The following HMX1 variants were observed in gnomAD, a reference collection of about 807,000 sequenced individuals.
The protein encoded by HMX1 is H6 family homeobox 1.
HMX1 carries 8 observed loss-of-function variants against 8.9 expected under a neutral mutation model. The observed-to-expected ratio is 0.90, with a 90% CI of 0.53 to 1.63. HMX1 has a LOEUF of 1.63. HMX1 is among the 40% of genes most tolerant of loss of function. The probability of loss-of-function intolerance (pLI) is 0.00; values close to 1 mark genes in which losing one functional copy is unlikely to be tolerated. For missense variants in HMX1, 621 were observed against 558.5 expected (o/e 1.11, Z -1.13); for synonymous variants, 311 against 283.4 (o/e 1.10, Z -0.98).
chr4:8,867,719 G>T lies in HMX1; in HGVS notation c.1021C>A (p.Arg341=). ...FPAAASVPFL[R]AQMPGLV ...CACACCAGGCCAGGCATCTGCGCCC[G>T]CAGAAAGGGCACGGAGGCGGCGGCC... Residue 341 remains arginine, a synonymous_variant, in exon 2 of 2, where the codon CGG becomes AGG. Coordinates refer to ENST00000400677, the MANE Select transcript of HMX1 (RefSeq NM_018942.3). 1.6e-6 allele frequency: 2 copies of T among 1,279,692 alleles called. No homozygotes were observed. The highest frequency in any genetic ancestry group is 5.1e-4 in the Middle Eastern group (2 of 3,944). The allele number at this position is 1,279,692 out of a possible 1,614,324, so 79.3% of individuals were successfully genotyped here.
rs1358262203 is a variant in HMX1, at chr4:8,868,417, G to A, written c.395-72C>T. ...CCAGACTCAATCACTGAGGCCAGCC[G>A]TCCCCACCTTGAGGTCGCTCACAGC... On this transcript the variant is annotated intron_variant, in intron 1 of 1. Coordinates refer to ENST00000400677, the MANE Select transcript of HMX1 (RefSeq NM_018942.3). The surrounding 1 kb of genome is among the most constrained non-coding windows in gnomAD (Gnocchi z 4.6). 13 of 1,160,154 alleles carry A rather than the reference G, an allele frequency of 1.1e-5. No individual in the cohort carries two copies. The highest frequency in any genetic ancestry group is 3.2e-5 in the African/African-American group (2 of 62,064). 71.9% of individuals were successfully genotyped at this position (1,160,154 alleles called of 1,614,324 possible). A position where few individuals can be genotyped will look rare whatever the true frequency, so the allele number is the denominator to read the frequency against.
chr4:8,859,955 G>C (rs1263070315), intron 1 of HMX1, among the ~76,000 whole-genome samples: 2 of 152,250 alleles, frequency 1.3e-5, no homozygotes, highest in Non-Finnish European at 1.5e-5. Context: ...CATGTTGTTG[G>C]GAGCAAGGAG....
At chr4:8,866,615 G>A (rs1460628686), downstream of HMX1, among the ~76,000 whole-genome samples, 1 of 152,240 alleles carries the variant, frequency 6.6e-6, no homozygotes, top group Admixed American at 6.5e-5. Flanking sequence ...CCCAAGGCAA[G>A]AGCACGGTGG....
chr4:8,867,368 C>T lies in HMX1; in HGVS notation c.*325G>A, dbSNP rs1016470304. 3 of 1,032,760 alleles carry T rather than the reference C, an allele frequency of 2.9e-6. No individual in the cohort carries two copies. Among genetic ancestry groups the T allele is most frequent in the African/African-American group, 1.7e-5 (1 of 58,738 alleles). The allele number at this position is 1,032,760 out of a possible 1,614,324, so 64.0% of individuals were successfully genotyped here. ...GCTGGGCTTGGCCTGAGGGCAGCTG[C>T]CCCGGGTGGCCATGGCCGACCGCTC... On this transcript the variant is annotated 3_prime_UTR_variant, in exon 2 of 2. Coordinates refer to ENST00000400677, the MANE Select transcript of HMX1 (RefSeq NM_018942.3).
In HMX1 at chr4:8,847,843, C is replaced by A. The variant is rs920103136; in HGVS notation, c.395-1519G>T. Among the ~76,000 whole-genome samples, 11 of 152,282 alleles carry A rather than the reference C, an allele frequency of 7.2e-5. No homozygotes were observed. Among genetic ancestry groups the A allele is most frequent in the African/African-American group, 2.6e-4 (11 of 41,556 alleles). On this transcript the variant is annotated intron_variant, in intron 1 of 1. Coordinates refer to the HMX1 transcript ENST00000506970. The surrounding 1 kb of genome is among the most constrained non-coding windows in gnomAD (Gnocchi z 6.0). Reference sequence around the variant, plus strand: ...AGGGGAATGGGAAGGACAAGAAGAACCTCGGGGTTGGCTGGAGTGGCTCTG... The same window carrying A: ...AGGGGAATGGGAAGGACAAGAAGAAACTCGGGGTTGGCTGGAGTGGCTCTG...
At chr4:8,857,221 A>T (rs1259244222) in intron 1 of HMX1, among the ~76,000 whole-genome samples, 1 of 152,228 alleles carries the variant, frequency 6.6e-6, no homozygotes, top group East Asian at 1.9e-4. Flanking sequence ...CCGCCGAGGA[A>T]GCGTCGGGGA....
intron 1 of HMX1, among the ~76,000 whole-genome samples, chr4:8,852,763 T>C (rs1487640821): frequency 6.6e-6 from 1 of 152,112 alleles, no homozygotes; most frequent in Non-Finnish European, 1.5e-5. Flanking sequence ...ATAAATACTG[T>C]CCCCTCTGCT....
intron 1 of HMX1, among the ~76,000 whole-genome samples, chr4:8,856,444 T>C (rs531824790): frequency 3.5e-4 from 53 of 152,020 alleles, no homozygotes; most frequent in African/African-American, 1.3e-3. Context: ...GCTGAGTAGC[T>C]CTGGTACAAA....
At chr4:8,869,886 G>T (rs891016020) in intron 1 of HMX1, among the ~76,000 whole-genome samples, 2 of 152,172 alleles carry the variant, frequency 1.3e-5, no homozygotes, top group African/African-American at 4.8e-5. Context: ...GATGAGTGGA[G>T]AACAAATTTC....
chr4:8,871,335 G>A lies in HMX1; in HGVS notation c.280C>T (p.Leu94Phe), dbSNP rs1375529814. 2 of 1,313,108 alleles carry A rather than the reference G, an allele frequency of 1.5e-6. No individual in the cohort carries two copies. The highest frequency in any genetic ancestry group is 4.3e-5 in the Admixed American group (1 of 23,316). The allele number at this position is 1,313,108 out of a possible 1,614,324, so 81.3% of individuals were successfully genotyped here. The change falls in exon 1 of 2, where the codon CTC becomes TTC. Residue 94 changes from leucine to phenylalanine, a missense_variant. Physicochemically the swap from Leu to Phe is conservative, Grantham distance 22. Transcript: ENST00000400677. The surrounding 1 kb of genome is among the most constrained non-coding windows in gnomAD (Gnocchi z 4.8). ...RALLGPGALGLGPRPPPGPGP... is the reference protein window; with the variant it reads ...RALLGPGALGFGPRPPPGPGP... ...GGACCGGGGGGCGGCCGAGGACCGA[G>A]GCCCAGCGCGCCCGGCCCGAGCAGC...
rs1722047189 is a variant in HMX1 at position 8,867,616 on chromosome 4, GAGCCCTGC to G, written c.*69_*76del. 8.3e-6 allele frequency: 10 copies of G among 1,198,726 alleles called. No individual in the cohort carries two copies. The highest frequency in any genetic ancestry group is 1.0e-5 in the Non-Finnish European group (10 of 966,230). The allele number at this position is 1,198,726 out of a possible 1,614,324, so 74.3% of individuals were successfully genotyped here. On this transcript the variant is annotated 3_prime_UTR_variant, in exon 2 of 2. Coordinates refer to ENST00000400677, the MANE Select transcript of HMX1 (RefSeq NM_018942.3). ...GACCATCCCTTCCCTAACGCCCCCT[GAGCCCTGC>G]GCCTGCCGCTGAATCGCGCGTCCAC...
rs1035808669 is a variant in HMX1 at position 8,867,410 on chromosome 4, G to T, written c.*283C>A. 5 of 1,079,982 alleles carry T rather than the reference G, an allele frequency of 4.6e-6. No individual in the cohort carries two copies. The highest frequency in any genetic ancestry group is 5.6e-6 in the Non-Finnish European group (5 of 893,510). 66.9% of individuals were successfully genotyped at this position (1,079,982 alleles called of 1,614,324 possible). ...CGACCGCTCCTCGCTGAGGCCGGGGGGTGGCCGTGGCGCCGGGGGCTGCGC... is the reference window on the plus strand; with the variant it reads ...CGACCGCTCCTCGCTGAGGCCGGGGTGTGGCCGTGGCGCCGGGGGCTGCGC... On this transcript the variant is annotated 3_prime_UTR_variant, in exon 2 of 2. Coordinates refer to ENST00000400677, the MANE Select transcript of HMX1 (RefSeq NM_018942.3).
Position 8,868,281 on chromosome 4 carries a change from T to C in HMX1, c.459A>G (p.Arg153=), listed in dbSNP as rs1283761459. Residue 153 remains arginine, a synonymous_variant, in exon 2 of 2, where the codon CGA becomes CGG. Transcript: ENST00000400677. This position sits in a 1 kb window ranked among gnomAD's most constrained non-coding sequence, Gnocchi z 4.6. Reference sequence around the variant, plus strand: ...GCTGCACCGCTCCCGGCCCGGGGCCTCGCGGCCAGGCGCCCTCCGCACGGC... The same window carrying C: ...GCTGCACCGCTCCCGGCCCGGGGCCCCGCGGCCAGGCGCCCTCCGCACGGC... ...EMGRAEGAWP[R]GPGPGAVQRE... The C allele has an allele frequency of 3.5e-6, 5 of 1,440,198 alleles. No homozygotes were observed. In the African/African-American group the frequency reaches 7.4e-5, roughly 21 times the overall value. The allele number at this position is 1,440,198 out of a possible 1,614,324, so 89.2% of individuals were successfully genotyped here. A position where few individuals can be genotyped will look rare whatever the true frequency, so the allele number is the denominator to read the frequency against.
At chr4:8,865,212 A>G (rs1372775776), downstream of HMX1, among the ~76,000 whole-genome samples, 1 of 152,230 alleles carries the variant, frequency 6.6e-6, no homozygotes, top group African/African-American at 2.4e-5. Context: ...GGCACCCTGC[A>G]GTCACCACAC....
chr4:8,865,990 A>T (rs1721983668), downstream of HMX1, among the ~76,000 whole-genome samples: 1 of 152,138 alleles, frequency 6.6e-6, no homozygotes, highest in South Asian at 2.1e-4. Flanking sequence ...CCTCTCTAAG[A>T]ATCTCTCAAA....
At chr4:8,854,737 G>C (rs957175515) in intron 1 of HMX1, among the ~76,000 whole-genome samples, 1 of 152,112 alleles carries the variant, frequency 6.6e-6, no homozygotes, top group African/African-American at 2.4e-5. Context: ...TCTTTCTTTG[G>C]AGAACCCTAA....
In HMX1 at chr4:8,856,947, G is replaced by T. The variant is rs150385282; in HGVS notation, c.395-10623C>A. On this transcript the variant is annotated intron_variant, in intron 1 of 1. Coordinates refer to the HMX1 transcript ENST00000506970. ...TACAAAAAATAAAAATTAGCCGGGCGTGGTGGCCGCGCCTGAAGTCCCAGC... is the reference window on the plus strand; with the variant it reads ...TACAAAAAATAAAAATTAGCCGGGCTTGGTGGCCGCGCCTGAAGTCCCAGC... 7.7e-3 allele frequency among the ~76,000 whole-genome samples: 1,175 copies of T among 152,188 alleles called. 13 individuals carry two copies. The highest frequency in any genetic ancestry group is 0.023 in the African/African-American group (972 of 41,520).
At position 8,853,848 on chromosome 4, in the gene HMX1, C is replaced by T. The variant is rs1468360680; in HGVS notation, c.395-7524G>A. Among the ~76,000 whole-genome samples, 1 of 147,044 alleles carries T rather than the reference C, an allele frequency of 6.8e-6. No individual in the cohort carries two copies. Among genetic ancestry groups the T allele is most frequent in the Non-Finnish European group, 1.5e-5 (1 of 67,690 alleles). On this transcript the variant is annotated intron_variant, in intron 1 of 1. Transcript: ENST00000506970. The surrounding 1 kb of genome is among the most constrained non-coding windows in gnomAD (Gnocchi z 4.7). ...AGCCTGGGCAACAAGAGCAAAATTC[C>T]ATCTCAAAAAAAAGGGGGGCGGGGG...
rs371600541 is a variant in HMX1, at chr4:8,868,447, A to G, written c.395-102T>C. On this transcript the variant is annotated intron_variant, in intron 1 of 1. Coordinates refer to ENST00000400677, the MANE Select transcript of HMX1 (RefSeq NM_018942.3). This position sits in a 1 kb window ranked among gnomAD's most constrained non-coding sequence, Gnocchi z 4.6. ...CACCTTGAGGTCGCTCACAGCCACA[A>G]GCAGGAAGACCTTCCAGCACAGGGC... 4.3e-6 allele frequency: 4 copies of G among 923,346 alleles called. No homozygotes were observed. Among genetic ancestry groups the G allele is most frequent in the Non-Finnish European group, 2.9e-6 (2 of 700,704 alleles). The allele number at this position is 923,346 out of a possible 1,614,324, so 57.2% of individuals were successfully genotyped here. A position where few individuals can be genotyped will look rare whatever the true frequency, so the allele number is the denominator to read the frequency against.
Sources: gnomAD v4.1 joint callset for allele counts (sites outside exome capture counted in the v4.1 genomes callset) on GRCh38, gnomAD v4.1.1 for gene constraint, Gnocchi (gnomAD v3.1) non-coding constraint, MANE v1.5 for transcripts, NCBI Gene and HGNC (gene_info 2026-07-23, HGNC 2026-07-21) for gene names.